The following PLCH1 variants were observed in gnomAD, a reference collection of about 807,000 sequenced individuals.
The protein encoded by PLCH1 is phospholipase C eta 1, also known as 1-phosphatidylinositol 4,5-bisphosphate phosphodiesterase eta-1.
In PLCH1, 60 loss-of-function variants were observed where a neutral mutation model predicts 126.7. The observed-to-expected ratio is 0.47, with a 90% CI of 0.38 to 0.59. The LOEUF (loss-of-function observed/expected upper bound fraction) is 0.59, where lower values mean the gene tolerates loss of function less well. Among genes scored for constraint, PLCH1 ranks in the 20% least tolerant of loss-of-function variants. PLCH1 has a pLI of 0.00. For missense variants in PLCH1, 1,723 were observed against 2,040.0 expected (o/e 0.84, Z 2.99); for synonymous variants, 719 against 734.9 (o/e 0.98, Z 0.35).
chr3:155,521,617 C>T (rs984848346), intron 11 of PLCH1, among the ~76,000 whole-genome samples: 2 of 152,146 alleles, frequency 1.3e-5, no homozygotes, highest in African/African-American at 4.8e-5. Flanking sequence ...GAAATATGAT[C>T]AGATATTCAG....
At chr3:155,723,349 T>C (rs1748090160) in intron 1 of PLCH1, among the ~76,000 whole-genome samples, 1 of 152,186 alleles carries the variant, frequency 6.6e-6, no homozygotes, top group African/African-American at 2.4e-5. Context: ...CAATTTTGTT[T>C]ATCTTTTCAA....
chr3:155,677,455 T>C (rs1165742326), intron 2 of PLCH1, among the ~76,000 whole-genome samples: 1 of 152,230 alleles, frequency 6.6e-6, no homozygotes, highest in Non-Finnish European at 1.5e-5. Flanking sequence ...GAAAATATCC[T>C]TCTTGCAAGA....
chr3:155,655,610 T>A (rs187121786), intron 2 of PLCH1, among the ~76,000 whole-genome samples: 2 of 152,198 alleles, frequency 1.3e-5, no homozygotes, highest in African/African-American at 4.8e-5. Context: ...AAGCCTTCCA[T>A]CCATAACTAG....
intron 21 of PLCH1, among the ~76,000 whole-genome samples, chr3:155,458,517 TAAG>T (rs71624565): frequency 6.2e-5 from 5 of 80,756 alleles, no homozygotes; most frequent in Admixed American, 2.6e-4. Flanking sequence ...GAGAGAGAAA[TAAG>T]AAAGAGAAAG....
chr3:155,726,866 TTTTTC>T (rs1167683123), intron 1 of PLCH1, among the ~76,000 whole-genome samples: 1 of 146,812 alleles, frequency 6.8e-6, no homozygotes, highest in African/African-American at 2.6e-5. Context: ...CGGCTAATTT[TTTTTC>T]TTTTTTCTTT....
intron 2 of PLCH1, among the ~76,000 whole-genome samples, chr3:155,615,823 G>T (rs1277415542): frequency 6.6e-6 from 1 of 152,130 alleles, no homozygotes; most frequent in African/African-American, 2.4e-5. Context: ...AGTGTATACT[G>T]CTTGGGTGAC....
At chr3:155,516,008 T>G (rs1341907847) in intron 11 of PLCH1, among the ~76,000 whole-genome samples, 2 of 152,206 alleles carry the variant, frequency 1.3e-5, no homozygotes, top group Non-Finnish European at 2.9e-5. Flanking sequence ...AAGGAAAAAT[T>G]TCAAAAATCT....
At chr3:155,571,650 C>T (rs1230136263) in intron 6 of PLCH1, among the ~76,000 whole-genome samples, 1 of 152,194 alleles carries the variant, frequency 6.6e-6, no homozygotes, top group Non-Finnish European at 1.5e-5. Flanking sequence ...CTGCCCACCT[C>T]GGCCTCCCAA....
At chr3:155,655,538 G>A (rs1252672732) in intron 2 of PLCH1, among the ~76,000 whole-genome samples, 2 of 151,996 alleles carry the variant, frequency 1.3e-5, no homozygotes, top group Non-Finnish European at 1.5e-5. Flanking sequence ...CAGAATTCTC[G>A]CAGATAACAG....
intron 2 of PLCH1, among the ~76,000 whole-genome samples, chr3:155,653,120 T>C (rs1577246262): frequency 2.6e-4 from 1 of 3,776 alleles, no homozygotes; most frequent in Non-Finnish European, 4.2e-4. Context: ...TAGATGTAGA[T>C]AGATATAGAT....
At position 155,568,309 on chromosome 3, in the gene PLCH1, T is replaced by C. The variant is rs1399395347; in HGVS notation, c.787A>G (p.Thr263Ala). Residue 263 changes from threonine to alanine, a missense_variant, in exon 7 of 23, where the codon ACG becomes GCG. Around this residue, in one of 2 missense-constraint regions of PLCH1, gnomAD observed 776 missense variants for 1,062.9 expected, o/e 0.73. Transcript: ENST00000460012. Reference protein sequence around the residue: ...KVEQKMNNVTTDYCLDIIKKF... With the variant: ...KVEQKMNNVTADYCLDIIKKF... ...TTTATGATGTCAAGACAATAGTCCG[T>C]TGTCACATTATTCATCTAAGAAAAA... 1 of 1,501,840 alleles carries C rather than the reference T, an allele frequency of 6.7e-7. No individual in the cohort carries two copies. 93.0% of individuals were successfully genotyped at this position (1,501,840 alleles called of 1,614,324 possible). A position where few individuals can be genotyped will look rare whatever the true frequency, so the allele number is the denominator to read the frequency against.
At chr3:155,653,404 G>T (rs1193498036) in intron 2 of PLCH1, among the ~76,000 whole-genome samples, 1 of 152,048 alleles carries the variant, frequency 6.6e-6, no homozygotes, top group African/African-American at 2.4e-5. Flanking sequence ...CCAAATCATT[G>T]GCTTTATTTG....
intron 4 of PLCH1, 91 bp from the exon 5 acceptor site, chr3:155,586,285 A>G: frequency 7.6e-7 from 1 of 1,320,382 alleles, no homozygotes. Context: ...TATCAGTAAC[A>G]CAGAACTTGA....
intron 6 of PLCH1, among the ~76,000 whole-genome samples, chr3:155,572,956 C>G (rs1448396294): frequency 6.6e-6 from 1 of 151,714 alleles, no homozygotes; most frequent in African/African-American, 2.4e-5. Context: ...CTATGTTGCC[C>G]AGGCTGGTCT....
intron 2 of PLCH1, among the ~76,000 whole-genome samples, chr3:155,655,379 C>A (rs1340271931): frequency 1.3e-5 from 2 of 151,722 alleles, no homozygotes; most frequent in African/African-American, 4.8e-5. Flanking sequence ...TGCATGATTG[C>A]CATGATTGCC....
At chr3:155,518,824 G>A (rs1720694485) in intron 11 of PLCH1, among the ~76,000 whole-genome samples, 1 of 152,054 alleles carries the variant, frequency 6.6e-6, no homozygotes. Flanking sequence ...TCTCACTCAG[G>A]GCCTCACAAA....
At chr3:155,578,852 T>A (rs919592701) in intron 6 of PLCH1, among the ~76,000 whole-genome samples, 1 of 152,006 alleles carries the variant, frequency 6.6e-6, no homozygotes, top group Non-Finnish European at 1.5e-5. Context: ...CCATAAAACC[T>A]AGGAAGAATT....
intron 21 of PLCH1, among the ~76,000 whole-genome samples, chr3:155,464,628 T>C (rs1390013783): frequency 6.6e-6 from 1 of 152,156 alleles, no homozygotes; most frequent in African/African-American, 2.4e-5. Context: ...ACCTCACTTG[T>C]GTGAGTGCCT....
chr3:155,554,181 C>T lies in PLCH1; in HGVS notation c.1085G>A (p.Gly362Asp). 6.2e-7 allele frequency: 1 copy of T among 1,613,274 alleles called. No homozygotes were observed. ...ATGTACTACTGGCTCTCCATCTGGG[C>T]CATCCCAACAGTCAACTGCCAAAAA... ...CRCVEVDCWDGPDGEPVVHHG... is the reference protein window; with the variant it reads ...CRCVEVDCWDDPDGEPVVHHG... Residue 362 changes from glycine (G) to aspartate (D), a missense_variant, in exon 9 of 23, where the codon GGC (glycine) becomes GAC (aspartate). Physicochemically the swap from Gly to Asp is moderately conservative, Grantham distance 94. Coordinates refer to ENST00000460012, the MANE Select transcript of PLCH1 (RefSeq NM_014996.4).
Sources: allele counts gnomAD v4.1 joint callset (sites outside exome capture counted in the v4.1 genomes callset), GRCh38; gene constraint gnomAD v4.1.1; regional missense constraint gnomAD v4.1.1; transcripts MANE v1.5; gene names NCBI Gene and HGNC (gene_info 2026-07-23, HGNC 2026-07-21).